ARB2A: variants seen among roughly 807,000 people sequenced by gnomAD.
The protein encoded by ARB2A is ARB2 cotranscriptional regulator A.
the ARB2A span, among the ~76,000 whole-genome samples, chr5:94,086,885 A>G: frequency 3.9e-5 from 6 of 152,154 alleles, no homozygotes; most frequent in South Asian, 1.2e-3. Flanking sequence ...AATACTTTTC[A>G]CGTAAAGTGT....
At chr5:93,825,036 C>T in the ARB2A span, among the ~76,000 whole-genome samples, 1 of 152,174 alleles carries the variant, frequency 6.6e-6, no homozygotes, top group Admixed American at 6.5e-5. Flanking sequence ...GCTTTGTCTT[C>T]AGGATTGTAC....
the ARB2A span, among the ~76,000 whole-genome samples, chr5:93,747,016 G>A: frequency 3.3e-5 from 5 of 152,048 alleles, no homozygotes; most frequent in African/African-American, 7.2e-5. Flanking sequence ...CTCTAGTCAG[G>A]GTGCAGTCAC....
At chr5:93,682,351 G>A in the ARB2A span, among the ~76,000 whole-genome samples, 582 of 151,924 alleles carry the variant, frequency 3.8e-3, 5 homozygotes, top group African/African-American at 0.013. Context: ...CTGAAATTTG[G>A]ATAAAATTTA....
At chr5:93,925,211 C>T in the ARB2A span, among the ~76,000 whole-genome samples, 1 of 152,030 alleles carries the variant, frequency 6.6e-6, no homozygotes, top group African/African-American at 2.4e-5. Flanking sequence ...TCAAAGAAAA[C>T]ATCTAATATT....
chr5:93,868,240 G>A, the ARB2A span, among the ~76,000 whole-genome samples: 2 of 152,168 alleles, frequency 1.3e-5, no homozygotes, highest in African/African-American at 4.8e-5. Flanking sequence ...AGCACCACTT[G>A]AGCCCAGAGG....
the ARB2A span, among the ~76,000 whole-genome samples, chr5:93,905,534 T>A: frequency 6.6e-6 from 1 of 151,606 alleles, no homozygotes; most frequent in Non-Finnish European, 1.5e-5. Flanking sequence ...CGATAAAAAC[T>A]GTAATTTTAA....
the ARB2A span, among the ~76,000 whole-genome samples, chr5:93,668,555 CAGA>C: frequency 6.6e-6 from 1 of 152,142 alleles, no homozygotes; most frequent in African/African-American, 2.4e-5. Flanking sequence ...ACAAAGAAAT[CAGA>C]AGCTTTCCAA....
chr5:93,852,363 C>T, the ARB2A span, among the ~76,000 whole-genome samples: 5 of 152,210 alleles, frequency 3.3e-5, no homozygotes, highest in African/African-American at 1.2e-4. Context: ...AGCCCTTTGT[C>T]AGATGAGTAG....
the ARB2A span, chr5:93,781,852 C>T: frequency 1.0e-6 from 1 of 983,734 alleles, no homozygotes; most frequent in South Asian, 4.7e-5. Flanking sequence ...CTTAAACATA[C>T]TTACAAAACA....
the ARB2A span, among the ~76,000 whole-genome samples, chr5:93,760,991 C>T: frequency 1.3e-5 from 2 of 152,184 alleles, no homozygotes; most frequent in Non-Finnish European, 2.9e-5. Context: ...AAAATCTTCA[C>T]AATCTATACA....
the ARB2A span, among the ~76,000 whole-genome samples, chr5:94,104,227 A>C: frequency 6.6e-6 from 1 of 151,910 alleles, no homozygotes; most frequent in Admixed American, 6.6e-5. Context: ...TCGTTCTCTG[A>C]AAGAATAAAT....
At chr5:94,023,244 T>C in the ARB2A span, among the ~76,000 whole-genome samples, 2 of 152,202 alleles carry the variant, frequency 1.3e-5, no homozygotes, top group African/African-American at 4.8e-5. Flanking sequence ...TTACCCTATA[T>C]GAATGGGAAC....
At chr5:93,863,588 A>G in the ARB2A span, 2 of 151,970 alleles carry the variant, frequency 1.3e-5, no homozygotes, top group African/African-American at 4.8e-5. Context: ...TTTTTATAGC[A>G]TTACTCTAGC....
the ARB2A span, chr5:93,958,721 A>G: frequency 8.2e-7 from 1 of 1,218,770 alleles, no homozygotes; most frequent in Non-Finnish European, 1.1e-6. Context: ...ATAAAAACAT[A>G]TAATAAAACA....
chr5:93,955,128 T>C, the ARB2A span, among the ~76,000 whole-genome samples: 1 of 152,168 alleles, frequency 6.6e-6, no homozygotes, highest in South Asian at 2.1e-4. Context: ...CTGTGACTGC[T>C]CACCGGATTT....
At chr5:93,733,866 A>C in the ARB2A span, 2 of 152,240 alleles carry the variant, frequency 1.3e-5, no homozygotes, top group Admixed American at 6.5e-5. Flanking sequence ...TGCATTCTGA[A>C]AAGAATTAAT....
chr5:93,905,175 C>T, the ARB2A span, among the ~76,000 whole-genome samples: 27 of 151,744 alleles, frequency 1.8e-4, no homozygotes, highest in African/African-American at 6.0e-4. Flanking sequence ...ATGGTGAATA[C>T]AGTAGACAGT....
the ARB2A span, among the ~76,000 whole-genome samples, chr5:93,685,174 C>T: frequency 1.3e-5 from 2 of 152,072 alleles, no homozygotes; most frequent in Non-Finnish European, 2.9e-5. Context: ...TTAAAGAGTA[C>T]TGATATGTTT....
chr5:94,042,584 C>T, the ARB2A span, among the ~76,000 whole-genome samples: 3 of 152,050 alleles, frequency 2.0e-5, no homozygotes, highest in African/African-American at 4.8e-5. Flanking sequence ...GGATTAAAGG[C>T]GTGAGCCACT....
Sources: gnomAD v4.1 joint callset for allele counts (sites outside exome capture counted in the v4.1 genomes callset) on GRCh38, gnomAD v4.1.1 for gene constraint, MANE v1.5 for transcripts, NCBI Gene and HGNC (gene_info 2026-07-23, HGNC 2026-07-21) for gene names.